Variants in DHRS9 observed in about 807,000 individuals in gnomAD.
The protein encoded by DHRS9 is dehydrogenase/reductase 9.
In DHRS9, 18 loss-of-function variants were observed where a neutral mutation model predicts 26.6. That is an observed-to-expected ratio of 0.68 (90% CI 0.47 to 1.00). DHRS9 has a LOEUF of 1.00. Among genes scored for constraint, DHRS9 ranks in the 50% least tolerant of loss-of-function variants. DHRS9 has a pLI of 0.00. For missense variants in DHRS9, 425 were observed against 378.7 expected (o/e 1.12, Z -1.01); for synonymous variants, 134 against 141.1 (o/e 0.95, Z 0.36).
chr2:169,081,397 G>C, intron 1 of DHRS9, 126 bp from the exon 2 acceptor site: 1 of 1,238,200 alleles, frequency 8.1e-7, no homozygotes, highest in Non-Finnish European at 1.1e-6. Flanking sequence ...CCAAATAAGA[G>C]TTATTGTTTC....
At position 169,083,417 on chromosome 2, in the gene DHRS9, T is replaced by C; in HGVS notation, c.402T>C (p.Ile134=). 1 of 1,614,124 alleles carries C rather than the reference T, an allele frequency of 6.2e-7. No individual in the cohort carries two copies. The highest frequency in any genetic ancestry group is 8.5e-7 in the Non-Finnish European group (1 of 1,179,994). The part of the protein sequence containing the change: ...WLTLEDYREP[I]EVNLFGLISV... ...CACTAGAGGACTACAGAGAACCTAT[T>C]GAAGTGAACCTGTTTGGACTCATCA... The change falls in exon 3 of 5, where the codon ATT becomes ATC. Residue 134 remains isoleucine (I), a synonymous_variant. Transcript: ENST00000674881.
rs550477992 is a variant in DHRS9 at position 169,087,841 on chromosome 2, T to C, written c.573-3949T>C. On this transcript the variant is annotated intron_variant, in intron 3 of 4. Coordinates refer to ENST00000674881, the MANE Select transcript of DHRS9 (RefSeq NM_001376924.1). ...GACTCTACCTGGTGCCCTATCCTAC[T>C]GTGGCTAAGCTGTTATCCAAGTCAC... 4.4e-4 allele frequency among the ~76,000 whole-genome samples: 67 copies of C among 152,296 alleles called. 1 individual carries two copies. Among genetic ancestry groups the C allele is most frequent in the South Asian group, 8.3e-4 (4 of 4,826 alleles).
At chr2:169,074,919 C>A (rs543878046) in intron 1 of DHRS9, among the ~76,000 whole-genome samples, 1 of 152,252 alleles carries the variant, frequency 6.6e-6, no homozygotes, top group African/African-American at 2.4e-5. Context: ...CCATTCTTAA[C>A]AGCAAAATTT....
chr2:169,070,374 C>A, intron 1 of DHRS9: 1 of 985,368 alleles, frequency 1.0e-6, no homozygotes, highest in Non-Finnish European at 1.2e-6. Flanking sequence ...TGGCTCCTTT[C>A]GCAATGACTT....
Position 169,082,883 on chromosome 2 carries a change from G to T in DHRS9, c.314-446G>T, listed in dbSNP as rs961870424. Among the ~76,000 whole-genome samples, 38 of 120,688 alleles carry T rather than the reference G, an allele frequency of 3.1e-4. 1 individual carries two copies. Among genetic ancestry groups the T allele is most frequent in the African/African-American group, 1.2e-3 (37 of 32,118 alleles). The allele number at this position is 120,688 out of a possible 152,430, so 79.2% of individuals were successfully genotyped here. On this transcript the variant is annotated intron_variant, in intron 2 of 4. Coordinates refer to ENST00000674881, the MANE Select transcript of DHRS9 (RefSeq NM_001376924.1). The stretch of plus-strand genomic sequence containing the variant: ...ACATCACACATCGGGGCCTGTTGTG[G>T]GGTGGGGGGAGGGGGGAGGGATAGC...
intron 1 of DHRS9, chr2:169,081,024 C>G: frequency 1.7e-6 from 1 of 576,626 alleles, no homozygotes; most frequent in Non-Finnish European, 2.2e-6. Flanking sequence ...TTAGTGGCAA[C>G]AAAAAATGCT....
chr2:169,084,166 G>T (rs1684281214), intron 3 of DHRS9, among the ~76,000 whole-genome samples: 1 of 152,028 alleles, frequency 6.6e-6, no homozygotes, highest in South Asian at 2.1e-4. Context: ...CAAATGACAG[G>T]ATCTCATTCT....
intron 3 of DHRS9, among the ~76,000 whole-genome samples, chr2:169,089,180 G>A (rs1225238445): frequency 1.3e-5 from 2 of 152,168 alleles, no homozygotes; most frequent in Non-Finnish European, 2.9e-5. Context: ...CAATCTAGGG[G>A]CTAATGACAG....
At chr2:169,073,298 A>AT (rs1683863744) in intron 1 of DHRS9, among the ~76,000 whole-genome samples, 1 of 152,252 alleles carries the variant, frequency 6.6e-6, no homozygotes, top group Admixed American at 6.5e-5. Context: ...GCTGGAGCCA[A>AT]TTAAACAGAG....
intron 1 of DHRS9, among the ~76,000 whole-genome samples, chr2:169,074,761 C>T (rs1683914432): frequency 6.6e-6 from 1 of 152,008 alleles, no homozygotes; most frequent in African/African-American, 2.4e-5. Flanking sequence ...GAATCTGAAC[C>T]AGCATTTCTG....
intron 3 of DHRS9, 119 bp from the exon 4 acceptor site, chr2:169,091,671 T>G: frequency 8.6e-7 from 1 of 1,164,600 alleles, no homozygotes; most frequent in Admixed American, 2.6e-5. Flanking sequence ...AAGATATTTC[T>G]TTCAAATGCA....
intron 3 of DHRS9, among the ~76,000 whole-genome samples, chr2:169,089,435 CAG>C (rs1469863933): frequency 6.6e-6 from 1 of 152,084 alleles, no homozygotes; most frequent in Non-Finnish European, 1.5e-5. Context: ...ATGATGCAGA[CAG>C]AGGGTGGAGG....
chr2:169,080,728 C>T (rs1347719303), intron 1 of DHRS9, among the ~76,000 whole-genome samples: 6 of 151,782 alleles, frequency 4.0e-5, no homozygotes, highest in African/African-American at 1.2e-4. Context: ...TTACAGCATA[C>T]ATTTGCTTGG....
intron 1 of DHRS9, among the ~76,000 whole-genome samples, chr2:169,080,431 T>C (rs1329560604): frequency 6.6e-6 from 1 of 152,222 alleles, no homozygotes; most frequent in African/African-American, 2.4e-5. Flanking sequence ...TGTGGAGGGC[T>C]GGGCCCATGG....
chr2:169,075,209 C>A (rs1479480780), intron 1 of DHRS9, among the ~76,000 whole-genome samples: 1 of 152,092 alleles, frequency 6.6e-6, no homozygotes, highest in Non-Finnish European at 1.5e-5. Flanking sequence ...GCTTTACTTT[C>A]CTTTGCCAAA....
chr2:169,089,695 G>A (rs1277748332), intron 3 of DHRS9, among the ~76,000 whole-genome samples: 3 of 152,168 alleles, frequency 2.0e-5, no homozygotes, highest in African/African-American at 7.2e-5. Flanking sequence ...CATTTGATCA[G>A]GTTGCCAAGT....
intron 1 of DHRS9, among the ~76,000 whole-genome samples, chr2:169,080,039 AAGAAAG>A (rs1684133213): frequency 6.9e-6 from 1 of 143,926 alleles, no homozygotes; most frequent in African/African-American, 2.6e-5. Context: ...GAAAGAAAGA[AAGAAAG>A]AAAGAAAATA....
In DHRS9 at chr2:169,095,709, T is replaced by A. The variant is rs764621066; in HGVS notation, c.902T>A (p.Leu301Ter). Residue 301 changes from leucine (L) to a stop codon, truncating the protein, a stop_gained, in exon 5 of 5, where the codon TTG becomes TAG. Coordinates refer to ENST00000674881, the MANE Select transcript of DHRS9 (RefSeq NM_001376924.1). LOFTEE classifies it high-confidence loss of function. ...WIPLSHMPAA[L>*]QDFLLLKQKA... ...CCTCTGTCTCACATGCCAGCAGCTT[T>A]GCAAGACTTTTTATTGTTGAAACAG... 1.9e-6 allele frequency: 3 copies of A among 1,613,980 alleles called. No individual in the cohort carries two copies. The highest frequency in any genetic ancestry group is 2.5e-6 in the Non-Finnish European group (3 of 1,179,892).
chr2:169,094,337 T>G (rs534549688), intron 4 of DHRS9, among the ~76,000 whole-genome samples: 1 of 152,308 alleles, frequency 6.6e-6, no homozygotes, highest in Admixed American at 6.5e-5. Flanking sequence ...GCCTAAGATA[T>G]AAAGTTTGCA....
Sources: allele counts gnomAD v4.1 joint callset (sites outside exome capture counted in the v4.1 genomes callset), GRCh38; gene constraint gnomAD v4.1.1; transcripts MANE v1.5; gene names NCBI Gene and HGNC (gene_info 2026-07-23, HGNC 2026-07-21).